The following LAT2 variants were observed in gnomAD, a reference collection of about 807,000 sequenced individuals.
LAT2 encodes the protein linker for activation of T-cells family member 2.
LAT2 carries 23 observed loss-of-function variants against 43.4 expected under a neutral mutation model. That is an observed-to-expected ratio of 0.53 (90% CI 0.38 to 0.75). LAT2 has a LOEUF of 0.75. LAT2 is among the 30% of genes least tolerant of loss of function. LAT2 has a pLI of 0.00. For synonymous variants in LAT2, 128 were observed against 123.2 expected (o/e 1.04, Z -0.26); for missense variants, 284 against 310.2 (o/e 0.92, Z 0.64).
In LAT2 at chr7:74,220,388, G is replaced by C. The variant is rs1027074732; in HGVS notation, c.265+134G>C. On this transcript the variant is annotated intron_variant, in intron 7 of 13. Coordinates refer to ENST00000460943, the MANE Select transcript of LAT2 (RefSeq NM_032464.3). The surrounding 1 kb of genome is among the most constrained non-coding windows in gnomAD (Gnocchi z 4.5). Reference sequence around the variant, plus strand: ...AGGCCTCCCCAGGAGAGACACACAGGCTGGGGCAGGGCAGGCTCCTGGAAT... The same window carrying C: ...AGGCCTCCCCAGGAGAGACACACAGCCTGGGGCAGGGCAGGCTCCTGGAAT... The C allele has an allele frequency of 4.8e-6, 6 of 1,254,438 alleles. No homozygotes were observed. Among genetic ancestry groups the C allele is most frequent in the Non-Finnish European group, 6.8e-6 (6 of 877,336 alleles). 77.7% of individuals were successfully genotyped at this position (1,254,438 alleles called of 1,614,324 possible).
chr7:74,218,964 C>G (rs113679722), intron 4 of LAT2, among the ~76,000 whole-genome samples: 3,816 of 148,350 alleles, frequency 0.026, 174 homozygotes, highest in African/African-American at 0.089. Context: ...TCCCAAAGCC[C>G]TGGGATTACA....
At chr7:74,214,349 AAT>A (rs368256698) in intron 1 of LAT2, among the ~76,000 whole-genome samples, 28 of 55,046 alleles carry the variant, frequency 5.1e-4, no homozygotes, top group African/African-American at 1.5e-3. Flanking sequence ...TATATATGAA[AAT>A]ATATATATAA....
Position 74,216,459 on chromosome 7 carries a change from A to G in LAT2, c.95-366A>G, listed in dbSNP as rs556043652. Among the ~76,000 whole-genome samples, 7 of 151,858 alleles carry G rather than the reference A, an allele frequency of 4.6e-5. No individual in the cohort carries two copies. The South Asian group carries it at 8.4e-4, about 18-fold the overall frequency. On this transcript the variant is annotated intron_variant, in intron 3 of 13. Coordinates refer to ENST00000460943, the MANE Select transcript of LAT2 (RefSeq NM_032464.3). ...CAATCTTGGCTCACTGTAACATCCA[A>G]CTCTCGGGTTGAAGCGATTCTCCTG...
intron 1 of LAT2, among the ~76,000 whole-genome samples, chr7:74,214,125 T>TGA (rs1202233519): frequency 1.7e-5 from 1 of 58,556 alleles, no homozygotes; most frequent in East Asian, 3.5e-4. Flanking sequence ...AATATATATA[T>TGA]AAATATATAT....
rs372672996 is a variant in LAT2, at chr7:74,224,651, G to A, written c.641G>A (p.Arg214Lys). 2.8e-5 allele frequency: 45 copies of A among 1,602,720 alleles called. No homozygotes were observed. The African/African-American group carries it at 5.3e-4, about 19-fold the overall frequency. ...ESRKVMGQLQ[R>K]EASPGPVGSP... ...CGCTGGTCCACAGGGCAACTCCAGA[G>A]AGAAGCATCCCCTGGCCCGGTGGGA... Residue 214 changes from arginine to lysine, a missense_variant, in exon 13 of 14, where the codon AGA (arginine) becomes AAA (lysine). Coordinates refer to ENST00000460943, the MANE Select transcript of LAT2 (RefSeq NM_032464.3).
intron 1 of LAT2, among the ~76,000 whole-genome samples, chr7:74,210,440 C>CT (rs1202772663): frequency 6.6e-6 from 1 of 152,194 alleles, no homozygotes; most frequent in Non-Finnish European, 1.5e-5. Context: ...CTGTAACCCC[C>CT]TACACAGGTC....
chr7:74,216,925 A>C (rs1251872949), intron 4 of LAT2, 61 bp downstream of exon 4: 12 of 1,452,308 alleles, frequency 8.3e-6, no homozygotes, highest in South Asian at 1.1e-5. Flanking sequence ...GGACGTCCTC[A>C]AGGGAATTCC....
chr7:74,219,849 C>G, intron 5 of LAT2, 62 bp downstream of exon 5: 1 of 1,611,922 alleles, frequency 6.2e-7, no homozygotes, highest in South Asian at 1.1e-5. Context: ...CAAGTTATCT[C>G]GGTCCCCATT....
rs782024334 is a variant in LAT2 at position 74,216,029 on chromosome 7, G to A, written c.54G>A (p.Leu18=). 6.2e-7 allele frequency: 1 copy of A among 1,613,558 alleles called. No individual in the cohort carries two copies. Among genetic ancestry groups the A allele is most frequent in the African/African-American group, 1.3e-5 (1 of 74,902 alleles). The part of the protein sequence containing the change: ...LWPGAALLVL[L]GVAASLCVRC... ...CCGGAGCAGCGCTGCTGGTGCTGTT[G>A]GGGGTGGCAGCCAGTCTGTGTGTGC... is the stretch of plus-strand genomic sequence containing the variant. The change falls in exon 3 of 14, where the codon TTG becomes TTA. Residue 18 remains leucine (L), a synonymous_variant. Coordinates refer to ENST00000460943, the MANE Select transcript of LAT2 (RefSeq NM_032464.3).
intron 10 of LAT2, among the ~76,000 whole-genome samples, chr7:74,222,290 A>T (rs1391306173): frequency 2.0e-5 from 3 of 149,990 alleles, no homozygotes; most frequent in Admixed American, 1.3e-4. Context: ...AATCCCAGCT[A>T]CTTGGGAGGC....
chr7:74,214,655 TATGAAA>T (rs1266800759), intron 1 of LAT2, among the ~76,000 whole-genome samples, 161 bp from the exon 2 acceptor site: 1 of 64,258 alleles, frequency 1.6e-5, no homozygotes, highest in Non-Finnish European at 2.5e-5. Flanking sequence ...AATATATATA[TATGAAA>T]ATATATATAT....
At chr7:74,222,128 G>A (rs1352247228) in intron 10 of LAT2, among the ~76,000 whole-genome samples, 1 of 150,998 alleles carries the variant, frequency 6.6e-6, no homozygotes, top group Admixed American at 6.6e-5. Flanking sequence ...GCTCACCCCT[G>A]TAATCCCAGC....
At chr7:74,218,177 T>C (rs1802112003) in intron 4 of LAT2, among the ~76,000 whole-genome samples, 2 of 152,154 alleles carry the variant, frequency 1.3e-5, no homozygotes. Flanking sequence ...TGTGCCTGCC[T>C]CTCCATCTGT....
intron 13 of LAT2, chr7:74,225,165 G>A: frequency 6.2e-6 from 1 of 161,544 alleles, no homozygotes; most frequent in Non-Finnish European, 1.4e-5. Context: ...GGCCGAGGCA[G>A]GCAGATCACC....
rs1554715015 is a variant in LAT2 at position 74,220,429 on chromosome 7, A to G, written c.266-155A>G. 8 of 1,194,860 alleles carry G rather than the reference A, an allele frequency of 6.7e-6. No homozygotes were observed. The highest frequency in any genetic ancestry group is 1.3e-5 in the South Asian group (1 of 74,520). The allele number at this position is 1,194,860 out of a possible 1,614,324, so 74.0% of individuals were successfully genotyped here. A position where few individuals can be genotyped will look rare whatever the true frequency, so the allele number is the denominator to read the frequency against. ...CTCCTGGAATCGGCCTGGCAGGGGG[A>G]GGGTGCACACTCGCACATGCCCCAC... is the stretch of plus-strand genomic sequence containing the variant. On this transcript the variant is annotated intron_variant, in intron 7 of 13. Transcript: ENST00000460943. This position sits in a 1 kb window ranked among gnomAD's most constrained non-coding sequence, Gnocchi z 4.5.
Position 74,216,086 on chromosome 7 carries a change from G to C in LAT2, c.94+17G>C, listed in dbSNP as rs372803045. On this transcript the variant is annotated intron_variant, in intron 3 of 13. Transcript: ENST00000460943. ...CACGCCCAGGTAAGCGGGGGTCTCG[G>C]GGACGTGATGGGGAGAAGGTGTGGA... is the stretch of plus-strand genomic sequence containing the variant. 1.9e-6 allele frequency: 3 copies of C among 1,594,812 alleles called. No homozygotes were observed. The highest frequency in any genetic ancestry group is 2.2e-5 in the East Asian group (1 of 44,760).
intron 4 of LAT2, among the ~76,000 whole-genome samples, chr7:74,218,862 A>G (rs1477400753): frequency 6.6e-6 from 1 of 151,370 alleles, no homozygotes; most frequent in Non-Finnish European, 1.5e-5. Context: ...ATGCCCAGCT[A>G]ATTTTTGTAT....
chr7:74,216,946 T>C, intron 4 of LAT2, 82 bp downstream of exon 4: 1 of 1,213,012 alleles, frequency 8.2e-7, no homozygotes, highest in Non-Finnish European at 1.2e-6. Flanking sequence ...TAGCACCCCA[T>C]CCTTCACCCC....
At position 74,220,012 on chromosome 7, in the gene LAT2, G is replaced by A; in HGVS notation, c.227+4G>A. 6.2e-7 allele frequency: 1 copy of A among 1,613,624 alleles called. No individual in the cohort carries two copies. The highest frequency in any genetic ancestry group is 8.5e-7 in the Non-Finnish European group (1 of 1,179,876). ...TGGCGGACATGGCACCCACAAGGTA[G>A]GTCACAGTCCCCCAGGAAGTGACAA... is the stretch of plus-strand genomic sequence containing the variant. On this transcript the variant is annotated splice_donor_region_variant and intron_variant, in intron 6 of 13. Transcript: ENST00000460943. The surrounding 1 kb of genome is among the most constrained non-coding windows in gnomAD (Gnocchi z 4.5).
Sources: allele counts gnomAD v4.1 joint callset (sites outside exome capture counted in the v4.1 genomes callset), GRCh38; gene constraint gnomAD v4.1.1; non-coding constraint Gnocchi (gnomAD v3.1); transcripts MANE v1.5; gene names NCBI Gene and HGNC (gene_info 2026-07-23, HGNC 2026-07-21).